The following BPGM variants were observed in gnomAD, a reference collection of about 807,000 sequenced individuals.
BPGM encodes bisphosphoglycerate mutase.
A neutral mutation model predicts 21.6 loss-of-function variants in BPGM; 15 were observed. The observed-to-expected ratio is 0.70, with a 90% CI of 0.47 to 1.07. BPGM has a LOEUF of 1.07. Among genes scored for constraint, BPGM ranks in the 50% least tolerant of loss-of-function variants. The probability of loss-of-function intolerance (pLI) is 0.00; values close to 1 mark genes in which losing one functional copy is unlikely to be tolerated. For synonymous variants in BPGM, 113 were observed against 116.2 expected (o/e 0.97, Z 0.18); for missense variants, 273 against 319.0 (o/e 0.86, Z 1.10).
At chr7:134,663,386 TTGTG>T (rs761081329) in intron 2 of BPGM, among the ~76,000 whole-genome samples, 1 of 126,582 alleles carries the variant, frequency 7.9e-6, no homozygotes, top group Non-Finnish European at 1.7e-5. Context: ...GTGTGTGTGT[TTGTG>T]TGTGTGCACG....
At chr7:134,673,495 A>C (rs187518064) in intron 2 of BPGM, among the ~76,000 whole-genome samples, 2 of 152,342 alleles carry the variant, frequency 1.3e-5, no homozygotes, top group Admixed American at 1.3e-4. Context: ...GGATCCGGTT[A>C]GATCTGAGGC....
At position 134,648,148 on chromosome 7, in the gene BPGM, G is replaced by GTTTTT. The variant is rs1554409887; in HGVS notation, c.-62+1215_-62+1216insTTTTT. On this transcript the variant is annotated intron_variant, in intron 1 of 2. Coordinates refer to ENST00000344924, the MANE Select transcript of BPGM (RefSeq NM_001724.5). Reference sequence around the variant, plus strand: ...TTTGTTTTGGTTTTTTTTTTGTTTTGTTTTCAGACGGAGTTTCGCTTCTGT... The same window carrying GTTTTT: ...TTTGTTTTGGTTTTTTTTTTGTTTTGTTTTTTTTTCAGACGGAGTTTCGCTTCTGT... Among the ~76,000 whole-genome samples, 521 of 144,422 alleles carry GTTTTT rather than the reference G, an allele frequency of 3.6e-3. 2 individuals are homozygous for GTTTTT. Among genetic ancestry groups the GTTTTT allele is most frequent in the African/African-American group, 0.012 (473 of 38,802 alleles). 94.7% of individuals were successfully genotyped at this position (144,422 alleles called of 152,430 possible).
Position 134,661,654 on chromosome 7 carries a change from CTTTGAG to C in BPGM, c.153_158del (p.Glu51_Phe52del), listed in dbSNP as rs1562968835. On this transcript the variant is annotated inframe_deletion, in exon 2 of 3. Coordinates refer to ENST00000344924, the MANE Select transcript of BPGM (RefSeq NM_001724.5). This position sits in a 1 kb window ranked among gnomAD's most constrained non-coding sequence, Gnocchi z 4.6. ...GTGGGAAGCAACTCAAAGCGTTAAACTTTGAGTTTGATCTTGTATTCACATCTGTCC... is the reference window on the plus strand; with the variant it reads ...GTGGGAAGCAACTCAAAGCGTTAAACTTTGATCTTGTATTCACATCTGTCC... 1.1e-5 allele frequency: 17 copies of C among 1,614,130 alleles called. No homozygotes were observed. Among genetic ancestry groups the C allele is most frequent in the Non-Finnish European group, 1.4e-5 (16 of 1,180,032 alleles).
At chr7:134,658,471 C>T (rs933386419) in intron 1 of BPGM, 5 of 152,246 alleles carry the variant, frequency 3.3e-5, no homozygotes, top group African/African-American at 7.2e-5. Flanking sequence ...GTGCCCATCA[C>T]TCTGCATAGT....
intron 2 of BPGM, among the ~76,000 whole-genome samples, chr7:134,667,858 G>A (rs956360617): frequency 5.3e-5 from 8 of 152,084 alleles, no homozygotes; most frequent in Admixed American, 3.9e-4. Flanking sequence ...GTGTGGTAAC[G>A]GATAGCATCA....
intron 2 of BPGM, among the ~76,000 whole-genome samples, chr7:134,668,663 T>C: frequency 6.6e-6 from 1 of 152,236 alleles, no homozygotes; most frequent in East Asian, 1.9e-4. Context: ...CTTTGCTGTT[T>C]AGTATATCCT....
intron 1 of BPGM, among the ~76,000 whole-genome samples, chr7:134,650,689 G>A (rs542952559): frequency 5.1e-4 from 77 of 152,300 alleles, no homozygotes; most frequent in African/African-American, 1.7e-3. Context: ...TTGGGAGGCC[G>A]AGGCGGGCAG....
chr7:134,653,689 T>C (rs892722897), intron 1 of BPGM, among the ~76,000 whole-genome samples: 1 of 152,208 alleles, frequency 6.6e-6, no homozygotes, highest in Non-Finnish European at 1.5e-5. Flanking sequence ...GTAGTAATTA[T>C]GTTGGGGAAA....
In BPGM at chr7:134,661,858, A is replaced by C; in HGVS notation, c.351A>C (p.Arg117Ser). ...AAGAACAAGTGAGGCTCTGGAGAAG[A>C]AGCTACAATGTAACCCCGCCTCCCA... The part of the protein sequence containing the change: ...HGEEQVRLWR[R>S]SYNVTPPPIE... Residue 117 changes from arginine to serine, a missense_variant, in exon 2 of 3, where the codon AGA becomes AGC. Transcript: ENST00000344924. This position sits in a 1 kb window ranked among gnomAD's most constrained non-coding sequence, Gnocchi z 4.6. The C allele has an allele frequency of 6.2e-7, 1 of 1,607,726 alleles. No homozygotes were observed. Among genetic ancestry groups the C allele is most frequent in the Non-Finnish European group, 8.5e-7 (1 of 1,176,190 alleles).
intron 2 of BPGM, among the ~76,000 whole-genome samples, chr7:134,667,844 C>T (rs1364441): frequency 6.6e-6 from 1 of 151,956 alleles, no homozygotes. Flanking sequence ...CCTACTGGGG[C>T]GGAGTGTGGT....
chr7:134,660,714 G>A (rs73439989), intron 1 of BPGM: 7,507 of 152,336 alleles, frequency 0.049, 343 homozygotes, highest in African/African-American at 0.12. Context: ...GCATTTGATA[G>A]CTTATTTTGC....
chr7:134,655,345 G>A (rs931393210), intron 1 of BPGM, among the ~76,000 whole-genome samples: 7 of 152,064 alleles, frequency 4.6e-5, no homozygotes, highest in East Asian at 1.9e-4. Flanking sequence ...GTTCGTTTGC[G>A]TTTGATGAAA....
chr7:134,672,043 G>A (rs990090301), intron 2 of BPGM, among the ~76,000 whole-genome samples: 2 of 152,124 alleles, frequency 1.3e-5, no homozygotes, highest in Non-Finnish European at 2.9e-5. Flanking sequence ...GGGTTGGTAG[G>A]TGCAAATTTG....
intron 2 of BPGM, among the ~76,000 whole-genome samples, chr7:134,663,490 A>C (rs1795768896): frequency 1.3e-5 from 2 of 152,218 alleles, no homozygotes; most frequent in Admixed American, 1.3e-4. Flanking sequence ...CTTTAACTTC[A>C]TTATTAGTGA....
At chr7:134,663,368 A>ATATGTGTG (rs1554411779) in intron 2 of BPGM, among the ~76,000 whole-genome samples, 3 of 151,062 alleles carry the variant, frequency 2.0e-5, no homozygotes, top group African/African-American at 7.3e-5. Flanking sequence ...GGCACTTGAT[A>ATATGTGTG]TGTGTGTGTG....
chr7:134,665,648 T>TGAAAAAAAAAAAAAAAAAAAAAAAAAAA (rs1562970103), intron 2 of BPGM, among the ~76,000 whole-genome samples: 1 of 4,002 alleles, frequency 2.5e-4, no homozygotes, highest in Non-Finnish European at 3.3e-4. Flanking sequence ...TAAAAATTAA[T>TGAAAAAAAAAAAAAAAAAAAAAAAAAAA]GAAAAAAAAA....
At position 134,652,809 on chromosome 7, in the gene BPGM, C is replaced by T. The variant is rs138358260; in HGVS notation, c.-62+5872C>T. On this transcript the variant is annotated intron_variant, in intron 1 of 2. Coordinates refer to ENST00000344924, the MANE Select transcript of BPGM (RefSeq NM_001724.5). ...CATGTTGTTGTGAATGACAGGGTTTCGTTCTTTTTATGGTTGAATGATATT... is the reference window on the plus strand; with the variant it reads ...CATGTTGTTGTGAATGACAGGGTTTTGTTCTTTTTATGGTTGAATGATATT... Among the ~76,000 whole-genome samples, 342 of 152,244 alleles carry T rather than the reference C, an allele frequency of 2.2e-3. 2 individuals are homozygous for T. The highest frequency in any genetic ancestry group is 7.8e-3 in the African/African-American group (323 of 41,548).
At chr7:134,665,925 T>C (rs1185293945) in intron 2 of BPGM, among the ~76,000 whole-genome samples, 1 of 152,184 alleles carries the variant, frequency 6.6e-6, no homozygotes, top group Non-Finnish European at 1.5e-5. Flanking sequence ...TTGCCCAGGC[T>C]GGAATGCAGT....
chr7:134,648,438 T>G (rs570140530), intron 1 of BPGM, among the ~76,000 whole-genome samples: 1 of 151,220 alleles, frequency 6.6e-6, no homozygotes, highest in Non-Finnish European at 1.5e-5. Context: ...CCCGGCCTTC[T>G]TTTTTTTTGA....
Sources: gnomAD v4.1 joint callset for allele counts (sites outside exome capture counted in the v4.1 genomes callset) on GRCh38, gnomAD v4.1.1 for gene constraint, Gnocchi (gnomAD v3.1) non-coding constraint, MANE v1.5 for transcripts, NCBI Gene and HGNC (gene_info 2026-07-23, HGNC 2026-07-21) for gene names.